NCAPH: variants seen among roughly 807,000 people sequenced by gnomAD.
NCAPH encodes condensin complex subunit 2.
In NCAPH, 38 loss-of-function variants were observed where a neutral mutation model predicts 85.5. That is an observed-to-expected ratio of 0.44 (90% CI 0.34 to 0.58). The LOEUF is 0.58. Among genes scored for constraint, NCAPH ranks in the 20% least tolerant of loss-of-function variants. The pLI is 0.01. For missense variants in NCAPH, 789 were observed against 916.6 expected (o/e 0.86, Z 1.80); for synonymous variants, 301 against 335.1 (o/e 0.90, Z 1.11).
At chr2:96,348,190 CTTTT>C (rs544549788) in intron 6 of NCAPH, among the ~76,000 whole-genome samples, 2 of 139,514 alleles carry the variant, frequency 1.4e-5, no homozygotes, top group Non-Finnish European at 1.6e-5. Flanking sequence ...AGGTCTCTCT[CTTTT>C]TTTTTTTTTT....
intron 17 of NCAPH, among the ~76,000 whole-genome samples, chr2:96,369,934 A>G (rs902238975): frequency 6.6e-6 from 1 of 152,224 alleles, no homozygotes; most frequent in African/African-American, 2.4e-5. Flanking sequence ...TATGGAGGTA[A>G]CAGTCAGAAA....
In NCAPH at chr2:96,354,374, G is replaced by A. The variant is rs1319041936; in HGVS notation, c.1194G>A (p.Gln398=). The A allele has an allele frequency of 6.3e-7, 1 of 1,591,010 alleles. No homozygotes were observed. The change falls in exon 9 of 18, where the codon CAG becomes CAA. Residue 398 remains glutamine (Q), a synonymous_variant. Transcript: ENST00000240423. ...EEFRSWKEPC[Q]VQSCQEEMIS... is the part of the protein sequence containing the mutation. ...TCAGGAGCTGGAAGGAGCCCTGCCA[G>A]GTTCAGAGCTGCCAGTAAGGCTCTC...
chr2:96,346,381 A>G (rs1454666487), intron 6 of NCAPH, among the ~76,000 whole-genome samples: 1 of 152,094 alleles, frequency 6.6e-6, no homozygotes, highest in African/African-American at 2.4e-5. Context: ...TGGCAGATGG[A>G]TATAAAGTGA....
chr2:96,338,581 G>A (rs981054055), intron 1 of NCAPH, among the ~76,000 whole-genome samples: 1 of 152,206 alleles, frequency 6.6e-6, no homozygotes, highest in Non-Finnish European at 1.5e-5. Context: ...ATCTGGGTGG[G>A]CCCAGTTTAA....
intron 6 of NCAPH, 45 bp from the exon 7 acceptor site, chr2:96,351,786 G>A (rs769258507): frequency 6.7e-7 from 1 of 1,499,808 alleles, no homozygotes; most frequent in South Asian, 1.3e-5. Flanking sequence ...TCTTTCCCTT[G>A]GCTACATGCC....
At position 96,352,027 on chromosome 2, in the gene NCAPH, A is replaced by G; in HGVS notation, c.910+7A>G. ...GAAATGACAGATTTAAAAGGTAAGT[A>G]CAAGTGATGCCTTTCACCAGAGCAT... On this transcript the variant is annotated splice_region_variant and intron_variant, in intron 7 of 17. Transcript: ENST00000240423. 1 of 1,602,760 alleles carries G rather than the reference A, an allele frequency of 6.2e-7. No homozygotes were observed. Among genetic ancestry groups the G allele is most frequent in the Non-Finnish European group, 8.5e-7 (1 of 1,173,940 alleles).
intron 9 of NCAPH, among the ~76,000 whole-genome samples, chr2:96,355,434 T>C (rs2064510754): frequency 6.6e-6 from 1 of 151,992 alleles, no homozygotes; most frequent in South Asian, 2.1e-4. Context: ...ATGACAAAAA[T>C]CTCTTCAAGA....
intron 1 of NCAPH, among the ~76,000 whole-genome samples, chr2:96,340,486 G>A (rs953276096): frequency 6.7e-5 from 10 of 149,764 alleles, no homozygotes; most frequent in African/African-American, 2.2e-4. Context: ...TGTCTCCCGG[G>A]TTCAAGCGAT....
chr2:96,335,973 G>A (rs2104403534), intron 1 of NCAPH, 125 bp downstream of exon 1: 2 of 1,063,462 alleles, frequency 1.9e-6, no homozygotes, highest in East Asian at 3.3e-5. Context: ...TCTTGGCCCT[G>A]CGGCTGACAG....
At chr2:96,338,862 G>T (rs149830099) in intron 1 of NCAPH, among the ~76,000 whole-genome samples, 1 of 152,286 alleles carries the variant, frequency 6.6e-6, no homozygotes, top group Non-Finnish European at 1.5e-5. Flanking sequence ...CCAGGCTGTA[G>T]TGCAGTGGCG....
Position 96,342,831 on chromosome 2 carries a change from G to A in NCAPH, c.439G>A (p.Glu147Lys), listed in dbSNP as rs745604508. ...MSEILKQKDT[E>K]PTNFKVAAGT... is the part of the protein sequence containing the mutation. ...AGAGATTCTTAAACAGAAAGACACC[G>A]AACCAACCAACTTTAAAGTAAGAAG... Residue 147 changes from glutamate to lysine, a missense_variant, in exon 4 of 18, where the codon GAA becomes AAA. Transcript: ENST00000240423. 39 of 1,611,682 alleles carry A rather than the reference G, an allele frequency of 2.4e-5. No homozygotes were observed. The highest frequency in any genetic ancestry group is 3.1e-5 in the Non-Finnish European group (37 of 1,178,592).
intron 6 of NCAPH, among the ~76,000 whole-genome samples, chr2:96,344,653 C>T (rs902774111): frequency 7.9e-5 from 12 of 152,226 alleles, no homozygotes; most frequent in East Asian, 1.9e-4. Flanking sequence ...TTGCCTGAAA[C>T]GACACATCTA....
intron 17 of NCAPH, among the ~76,000 whole-genome samples, chr2:96,370,172 T>G (rs1370035065): frequency 2.0e-5 from 3 of 152,134 alleles, no homozygotes. Context: ...ACACTTGGTA[T>G]CCATTAGGGT....
intron 15 of NCAPH, among the ~76,000 whole-genome samples, chr2:96,368,642 C>T (rs1035666189): frequency 7.9e-5 from 12 of 151,962 alleles, no homozygotes; most frequent in Admixed American, 7.9e-4. Flanking sequence ...GGCGACAGAG[C>T]GAGACTCCGT....
rs553560753 is a variant in NCAPH at position 96,335,819 on chromosome 2, G to A, written c.-11G>A. The A allele has an allele frequency of 8.7e-6, 13 of 1,495,678 alleles. No homozygotes were observed. Among genetic ancestry groups the A allele is most frequent in the African/African-American group, 1.5e-5 (1 of 68,108 alleles). 92.7% of individuals were successfully genotyped at this position (1,495,678 alleles called of 1,614,324 possible). ...GCGATTTAAAACCAGCTCAGGAGAC[G>A]CCAAGGAAAGATGGGACCTCCCGGC... is the stretch of plus-strand genomic sequence containing the variant. On this transcript the variant is annotated 5_prime_UTR_variant, in exon 1 of 18. Transcript: ENST00000240423.
rs923990773 is a variant in NCAPH, at chr2:96,342,132, A to G, written c.355A>G (p.Thr119Ala). 3.7e-6 allele frequency: 6 copies of G among 1,606,322 alleles called. No individual in the cohort carries two copies. The Admixed American group carries it at 5.0e-5, about 13-fold the overall frequency. Residue 119 changes from threonine to alanine, a missense_variant, in exon 3 of 18, where the codon ACT (threonine) becomes GCT (alanine). Physicochemically the swap from Thr to Ala is moderately conservative, Grantham distance 58. Coordinates refer to ENST00000240423, the MANE Select transcript of NCAPH (RefSeq NM_015341.5). ...EHYSTCIKLS[T>A]ENKITTKNAF... ...TTACTCCACCTGTATCAAACTGTCCACTGAAAATGTGAGTATTTGCTGGTT... is the reference window on the plus strand; with the variant it reads ...TTACTCCACCTGTATCAAACTGTCCGCTGAAAATGTGAGTATTTGCTGGTT...
intron 2 of NCAPH, 47 bp from the exon 3 acceptor site, chr2:96,342,003 C>T: frequency 6.2e-7 from 1 of 1,603,802 alleles, no homozygotes; most frequent in South Asian, 1.1e-5. Context: ...AAAATTTAAA[C>T]TATCATGGAT....
At chr2:96,354,508 A>T in intron 9 of NCAPH, 120 bp downstream of exon 9, 1 of 878,364 alleles carries the variant, frequency 1.1e-6, no homozygotes, top group Non-Finnish European at 1.6e-6. Context: ...CCAAAAATAG[A>T]GACGGGCATC....
In NCAPH at chr2:96,343,246, C is replaced by T. The variant is rs2064319167; in HGVS notation, c.537C>T (p.Val179=). The change falls in exon 5 of 18, where the codon GTC becomes GTT. Residue 179 remains valine (V), a synonymous_variant. Transcript: ENST00000240423. ...CCGTCCATGCCGATGTATACAGAGT[C>T]CTTGGGGGGCTGGGCAAAGATGCAC... The part of the protein sequence containing the change: ...VDAVHADVYR[V]LGGLGKDAPS... The T allele has an allele frequency of 1.9e-6, 3 of 1,613,766 alleles. No individual in the cohort carries two copies. The East Asian group carries it at 6.7e-5, about 36-fold the overall frequency.
Sources: gnomAD v4.1 joint callset for allele counts (sites outside exome capture counted in the v4.1 genomes callset) on GRCh38, gnomAD v4.1.1 for gene constraint, MANE v1.5 for transcripts, NCBI Gene and HGNC (gene_info 2026-07-23, HGNC 2026-07-21) for gene names.